BPHL: variants seen among roughly 807,000 people sequenced by gnomAD.
BPHL encodes the protein serine hydrolase BPHL.
In BPHL, 27 loss-of-function variants were observed where a neutral mutation model predicts 31.2. The ratio of observed to expected loss-of-function variants is 0.87; its 90% CI spans 0.64 to 1.19. BPHL has a LOEUF of 1.19. Ranked by LOEUF, BPHL falls within the 50% of genes most tolerant of loss-of-function variation. The probability of loss-of-function intolerance (pLI) is 0.00; values close to 1 mark genes in which losing one functional copy is unlikely to be tolerated. For synonymous variants in BPHL, 150 were observed against 146.8 expected (o/e 1.02, Z -0.16); for missense variants, 356 against 375.7 (o/e 0.95, Z 0.43).
chr6:3,153,212 T>C lies in BPHL; in HGVS notation c.*637T>C, dbSNP rs1017195523. On this transcript the variant is annotated 3_prime_UTR_variant, in exon 7 of 7. Transcript: ENST00000380379. Reference sequence around the variant, plus strand: ...TTAGGTGGAGAATGTGTAGTGTTAATGTTGGAGATTTTAAGACATCTTGAA... The same window carrying C: ...TTAGGTGGAGAATGTGTAGTGTTAACGTTGGAGATTTTAAGACATCTTGAA... 6.5e-6 allele frequency: 1 copy of C among 153,756 alleles called. No individual in the cohort carries two copies. Among genetic ancestry groups the C allele is most frequent in the Non-Finnish European group, 1.4e-5 (1 of 69,136 alleles). The allele number at this position is 153,756 out of a possible 1,614,324, so 9.5% of individuals were successfully genotyped here. A position where few individuals can be genotyped will look rare whatever the true frequency, so the allele number is the denominator to read the frequency against.
At chr6:3,136,853 C>T (rs1762027529) in intron 4 of BPHL, among the ~76,000 whole-genome samples, 1 of 152,218 alleles carries the variant, frequency 6.6e-6, no homozygotes. Flanking sequence ...TAGCCTTTTA[C>T]ACCCATATTT....
At chr6:3,139,900 A>G (rs1469971522) in intron 5 of BPHL, 2 of 157,364 alleles carry the variant, frequency 1.3e-5, no homozygotes, top group African/African-American at 4.8e-5. Context: ...AGTGTCACAG[A>G]TGCATCAGCG....
chr6:3,120,207 G>A (rs1288667595), intron 1 of BPHL, among the ~76,000 whole-genome samples: 1 of 151,994 alleles, frequency 6.6e-6, no homozygotes, highest in Non-Finnish European at 1.5e-5. Context: ...GCTAATTTTT[G>A]TGTTTTTAGT....
chr6:3,140,622 CT>C lies in BPHL; in HGVS notation c.788+117del. On this transcript the variant is annotated intron_variant, in intron 6 of 6. Transcript: ENST00000380379. This position sits in a 1 kb window ranked among gnomAD's most constrained non-coding sequence, Gnocchi z 5.2. ...TGGAGTTTTAGAGTGCACAGCCCCCCTTTTGCCAATGCCAGTCAGTAGCACC... is the reference window on the plus strand; with the variant it reads ...TGGAGTTTTAGAGTGCACAGCCCCCCTTTGCCAATGCCAGTCAGTAGCACC... 4.0e-6 allele frequency: 6 copies of C among 1,493,520 alleles called. No homozygotes were observed. Among genetic ancestry groups the C allele is most frequent in the Non-Finnish European group, 5.4e-6 (6 of 1,105,838 alleles). The allele number at this position is 1,493,520 out of a possible 1,614,324, so 92.5% of individuals were successfully genotyped here.
At chr6:3,127,642 A>C (rs1450753043) in intron 3 of BPHL, among the ~76,000 whole-genome samples, 2 of 152,180 alleles carry the variant, frequency 1.3e-5, no homozygotes, top group African/African-American at 4.8e-5. Context: ...TTATTACATC[A>C]CAAACGCAGT....
chr6:3,129,236 C>T (rs1290457111), intron 4 of BPHL, 38 bp downstream of exon 4: 5 of 1,515,982 alleles, frequency 3.3e-6, no homozygotes, highest in Non-Finnish European at 4.4e-6. Flanking sequence ...GACGGCAGAT[C>T]CTTCCCCTCT....
upstream of BPHL, chr6:3,118,573 G>A (rs941909701): frequency 4.3e-6 from 2 of 470,020 alleles, no homozygotes; most frequent in Admixed American, 8.8e-5. Flanking sequence ...GTCGCCCATG[G>A]GAAAGCACCC....
At chr6:3,152,464 A>T in intron 6 of BPHL, 24 bp from the exon 7 acceptor site, 1 of 1,610,176 alleles carries the variant, frequency 6.2e-7, no homozygotes. Flanking sequence ...CATTGACCCA[A>T]AGTATTTTTA....
At chr6:3,147,262 AAAATAAATAAAT>A (rs950202633) in intron 6 of BPHL, among the ~76,000 whole-genome samples, 1 of 152,068 alleles carries the variant, frequency 6.6e-6, no homozygotes, top group Admixed American at 6.6e-5. Context: ...CCCCACCTGA[AAAATAAATAAAT>A]AAATAAAAAA....
chr6:3,149,576 C>G lies in BPHL; in HGVS notation c.789-2912C>G, dbSNP rs1762466875. Among the ~76,000 whole-genome samples the G allele has an allele frequency of 6.6e-6, 1 of 152,194 alleles. No homozygotes were observed. Among genetic ancestry groups the G allele is most frequent in the African/African-American group, 2.4e-5 (1 of 41,452 alleles). On this transcript the variant is annotated intron_variant, in intron 6 of 6. Transcript: ENST00000380379. This position sits in a 1 kb window ranked among gnomAD's most constrained non-coding sequence, Gnocchi z 4.6. ...CAGAGGAGAGCCTGGCCAGCCAGGGCAGCCCCCAACTTCATCAGCAGCAAG... is the reference window on the plus strand; with the variant it reads ...CAGAGGAGAGCCTGGCCAGCCAGGGGAGCCCCCAACTTCATCAGCAGCAAG...
chr6:3,127,855 C>G (rs1186117312), intron 3 of BPHL, among the ~76,000 whole-genome samples: 1 of 149,830 alleles, frequency 6.7e-6, no homozygotes, highest in Non-Finnish European at 1.5e-5. Flanking sequence ...GAGTGTTGCT[C>G]TGTCACCCAG....
At chr6:3,151,868 C>T (rs537769469) in intron 6 of BPHL, among the ~76,000 whole-genome samples, 1 of 152,346 alleles carries the variant, frequency 6.6e-6, no homozygotes, top group East Asian at 1.9e-4. Context: ...ACAGCTGCAG[C>T]AGCGGCTCCT....
At chr6:3,133,115 G>A (rs1251578223) in intron 4 of BPHL, among the ~76,000 whole-genome samples, 1 of 152,154 alleles carries the variant, frequency 6.6e-6, no homozygotes, top group African/African-American at 2.4e-5. Context: ...TTAACAACGT[G>A]ATATCCATGT....
intron 6 of BPHL, among the ~76,000 whole-genome samples, chr6:3,145,288 C>CCAGTTGAGTGCTGATTT (rs1762303389): frequency 5.8e-5 from 1 of 17,098 alleles, no homozygotes; most frequent in Non-Finnish European, 9.9e-5. Flanking sequence ...AGTGCTGGTT[C>CCAGTTGAGTGCTGATTT]GGGTCCGAGT....
At chr6:3,125,602 T>C (rs1761690865) in intron 2 of BPHL, among the ~76,000 whole-genome samples, 1 of 152,190 alleles carries the variant, frequency 6.6e-6, no homozygotes, top group Non-Finnish European at 1.5e-5. Context: ...ATTGGTCTTT[T>C]AGACTGTTCT....
intron 5 of BPHL, chr6:3,139,662 C>G (rs1762116846): frequency 1.3e-5 from 2 of 152,286 alleles, no homozygotes; most frequent in South Asian, 4.1e-4. Context: ...CTTAGGGATG[C>G]CAGGAACCGC....
chr6:3,120,698 C>T (rs1172896472), intron 1 of BPHL, among the ~76,000 whole-genome samples: 1 of 152,166 alleles, frequency 6.6e-6, no homozygotes, highest in Non-Finnish European at 1.5e-5. Flanking sequence ...TGATTTATTC[C>T]TGGGTCAGGT....
intron 1 of BPHL, chr6:3,119,437 T>G (rs1485768024): frequency 6.2e-6 from 10 of 1,611,512 alleles, no homozygotes; most frequent in Non-Finnish European, 7.6e-6. Flanking sequence ...TCCCAGAGGA[T>G]CTGATCTACA....
chr6:3,147,211 T>C (rs1336325665), intron 6 of BPHL, among the ~76,000 whole-genome samples: 1 of 151,882 alleles, frequency 6.6e-6, no homozygotes, highest in Admixed American at 6.6e-5. Context: ...CAGTGAGCCA[T>C]GATCATGCCA....
Sources: allele counts gnomAD v4.1 joint callset (sites outside exome capture counted in the v4.1 genomes callset), GRCh38; gene constraint gnomAD v4.1.1; non-coding constraint Gnocchi (gnomAD v3.1); transcripts MANE v1.5; gene names NCBI Gene and HGNC (gene_info 2026-07-23, HGNC 2026-07-21).